CELF4: variants seen among roughly 807,000 people sequenced by gnomAD.
CELF4 encodes the protein CUG-BP- and ETR-3-like factor 4.
In CELF4, 18 loss-of-function variants were observed where a neutral mutation model predicts 59.9. That is an observed-to-expected ratio of 0.30 (90% CI 0.21 to 0.45). The LOEUF is 0.45. Among genes scored for constraint, CELF4 ranks in the 20% least tolerant of loss-of-function variants. CELF4 has a pLI of 1.00. For synonymous variants in CELF4, 261 were observed against 267.1 expected, an observed-to-expected ratio of 0.98 and a Z score of 0.22; for missense variants, 456 against 689.0, an observed-to-expected ratio of 0.66 and a Z score of 3.79.
At chr18:37,417,628 C>G (rs2099540069) in intron 2 of CELF4, among the ~76,000 whole-genome samples, 1 of 152,222 alleles carries the variant, frequency 6.6e-6, no homozygotes. Flanking sequence ...ACCACCAGCT[C>G]TCCCAGGAAA....
At chr18:37,349,586 C>T (rs2098393950) in intron 2 of CELF4, among the ~76,000 whole-genome samples, 1 of 152,168 alleles carries the variant, frequency 6.6e-6, no homozygotes, top group Admixed American at 6.5e-5. Context: ...GCATGAAGGA[C>T]AGGCAGCCCC....
chr18:37,394,123 CCGGCCCGA>C (rs1866606857), intron 2 of CELF4, among the ~76,000 whole-genome samples: 1 of 152,104 alleles, frequency 6.6e-6, no homozygotes, highest in Non-Finnish European at 1.5e-5. Context: ...TGCTCGGGGA[CCGGCCCGA>C]CGGGGGCGGG....
intron 2 of CELF4, among the ~76,000 whole-genome samples, chr18:37,468,583 G>T (rs1354639710): frequency 6.6e-6 from 1 of 152,148 alleles, no homozygotes; most frequent in Non-Finnish European, 1.5e-5. Flanking sequence ...CAGGAGGAAG[G>T]ATTTCCTTCT....
intron 1 of CELF4, among the ~76,000 whole-genome samples, chr18:37,504,547 C>T (rs2099935513): frequency 6.6e-6 from 1 of 151,644 alleles, no homozygotes; most frequent in Non-Finnish European, 1.5e-5. Context: ...TAGCTGCTTT[C>T]CTCGTCTGTA....
intron 2 of CELF4, among the ~76,000 whole-genome samples, chr18:37,419,866 C>G (rs550644127): frequency 6.6e-6 from 1 of 152,346 alleles, no homozygotes; most frequent in African/African-American, 2.4e-5. Context: ...GCCAGCCTGG[C>G]TGACAGCGAG....
At chr18:37,504,646 C>T (rs764675287) in intron 1 of CELF4, among the ~76,000 whole-genome samples, 1 of 152,104 alleles carries the variant, frequency 6.6e-6, no homozygotes, top group Non-Finnish European at 1.5e-5. Flanking sequence ...GCAGGGCTGG[C>T]TCTCAGTAAT....
At chr18:37,376,203 C>T (rs1173043939) in intron 2 of CELF4, among the ~76,000 whole-genome samples, 2 of 152,136 alleles carry the variant, frequency 1.3e-5, no homozygotes, top group African/African-American at 4.8e-5. Flanking sequence ...CCAGCCCTTT[C>T]CCAAATGGCA....
At chr18:37,545,276 T>G (rs974678573) in intron 1 of CELF4, among the ~76,000 whole-genome samples, 3 of 152,140 alleles carry the variant, frequency 2.0e-5, no homozygotes, top group Non-Finnish European at 4.4e-5. Flanking sequence ...AACCACCAGA[T>G]CTGTGCCTGA....
chr18:37,301,926 C>T (rs1012295749), intron 3 of CELF4, among the ~76,000 whole-genome samples: 95 of 152,152 alleles, frequency 6.2e-4, no homozygotes, highest in Admixed American at 6.2e-3. Context: ...TTTCCCCTTC[C>T]CCCTGCTCTA....
intron 10 of CELF4, among the ~76,000 whole-genome samples, chr18:37,261,140 GCT>G (rs1391224294): frequency 6.6e-6 from 1 of 152,140 alleles, no homozygotes. Flanking sequence ...CTGGGGTGGG[GCT>G]CTTTCTCTTT....
At chr18:37,414,464 A>C (rs2099509414) in intron 2 of CELF4, among the ~76,000 whole-genome samples, 1 of 146,608 alleles carries the variant, frequency 6.8e-6, no homozygotes. Context: ...TCTTCTATCT[A>C]TCCATCTACC....
intron 2 of CELF4, among the ~76,000 whole-genome samples, chr18:37,352,979 T>C (rs1468195997): frequency 6.6e-6 from 1 of 152,058 alleles, no homozygotes; most frequent in East Asian, 1.9e-4. Flanking sequence ...CCCAGCACTT[T>C]GGGAGGCCAA....
intron 2 of CELF4, among the ~76,000 whole-genome samples, chr18:37,379,520 A>AAAAAG (rs2099012346): frequency 6.6e-6 from 1 of 150,798 alleles, no homozygotes; most frequent in African/African-American, 2.4e-5. Context: ...AAAAAAAAAA[A>AAAAAG]AAAAAAAAAA....
chr18:37,348,422 C>T (rs2098344006), intron 2 of CELF4, among the ~76,000 whole-genome samples: 1 of 152,180 alleles, frequency 6.6e-6, no homozygotes, highest in South Asian at 2.1e-4. Context: ...GAATGCACCC[C>T]CGGTCCTGTC....
chr18:37,253,867 T>C lies in CELF4; in HGVS notation c.1405A>G (p.Met469Val). ...IQAMNGFQIGMKRLKVQLKRP... is the reference protein window; with the variant it reads ...IQAMNGFQIGVKRLKVQLKRP... ...TTCAGCTGCACCTTGAGCCTCTTCA[T>C]GCCGATCTGGAAGCCGTTCATGGCC... Residue 469 changes from methionine to valine, a missense_variant, in exon 12 of 13, where the codon ATG (methionine) becomes GTG (valine). Met to Val is a conservative substitution (Grantham distance 21). Transcript: ENST00000420428. This position sits in a 1 kb window ranked among gnomAD's most constrained non-coding sequence, Gnocchi z 4.5. 2 of 1,608,990 alleles carry C rather than the reference T, an allele frequency of 1.2e-6. No individual in the cohort carries two copies. Among genetic ancestry groups the C allele is most frequent in the Non-Finnish European group, 1.7e-6 (2 of 1,177,928 alleles).
chr18:37,482,537 G>A (rs1217572809), intron 2 of CELF4, among the ~76,000 whole-genome samples: 1 of 152,120 alleles, frequency 6.6e-6, no homozygotes, highest in Non-Finnish European at 1.5e-5. Context: ...CCATCAGAGG[G>A]CCCTGCTCAG....
intron 2 of CELF4, among the ~76,000 whole-genome samples, chr18:37,378,603 TG>T (rs1327085680): frequency 6.6e-6 from 1 of 152,152 alleles, no homozygotes; most frequent in Non-Finnish European, 1.5e-5. Context: ...AAGCATTCAT[TG>T]CCATGAAATA....
chr18:37,475,954 TG>T (rs1313574038), intron 2 of CELF4, among the ~76,000 whole-genome samples: 2 of 152,354 alleles, frequency 1.3e-5, no homozygotes, highest in East Asian at 3.9e-4. Flanking sequence ...TGAAATATAA[TG>T]GGACATATGG....
intron 2 of CELF4, among the ~76,000 whole-genome samples, chr18:37,393,530 T>G (rs1354735797): frequency 6.6e-6 from 1 of 152,192 alleles, no homozygotes; most frequent in African/African-American, 2.4e-5. Flanking sequence ...CCTGGAGTCC[T>G]GCAGGGAACT....
Sources: gnomAD v4.1 joint callset for allele counts (sites outside exome capture counted in the v4.1 genomes callset) on GRCh38, gnomAD v4.1.1 for gene constraint, Gnocchi (gnomAD v3.1) non-coding constraint, MANE v1.5 for transcripts, NCBI Gene and HGNC (gene_info 2026-07-23, HGNC 2026-07-21) for gene names.